PPM1E: variants seen among roughly 807,000 people sequenced by gnomAD.
PPM1E encodes the protein protein phosphatase 1E.
A neutral mutation model predicts 65.9 loss-of-function variants in PPM1E; 20 were observed. The ratio of observed to expected loss-of-function variants is 0.30; its 90% CI spans 0.21 to 0.44. The LOEUF (loss-of-function observed/expected upper bound fraction) is 0.44, where lower values mean the gene tolerates loss of function less well. Among genes scored for constraint, PPM1E ranks in the 20% least tolerant of loss-of-function variants. PPM1E has a pLI of 1.00. For missense variants in PPM1E, 713 were observed against 953.1 expected, an observed-to-expected ratio of 0.75 and a Z score of 3.32; for synonymous variants, 352 against 374.9, an observed-to-expected ratio of 0.94 and a Z score of 0.70.
intron 1 of PPM1E, among the ~76,000 whole-genome samples, chr17:58,866,188 ACTAACTTC>A (rs2051001686): frequency 1.3e-5 from 2 of 152,224 alleles, no homozygotes; most frequent in African/African-American, 2.4e-5. Flanking sequence ...TGATTAGATT[ACTAACTTC>A]AGGGTGGAGC....
At chr17:58,963,243 T>A (rs1254794015) in intron 2 of PPM1E, among the ~76,000 whole-genome samples, 27 of 151,064 alleles carry the variant, frequency 1.8e-4, no homozygotes, top group Non-Finnish European at 4.0e-4. Flanking sequence ...CAAAATTAGC[T>A]GAGTGTGGTG....
chr17:58,953,682 T>TGCCA (rs1218669650), intron 1 of PPM1E, among the ~76,000 whole-genome samples: 2 of 152,030 alleles, frequency 1.3e-5, no homozygotes, highest in East Asian at 1.9e-4. Flanking sequence ...ACATCTCAAA[T>TGCCA]GCCAGACTAG....
chr17:58,980,989 T>C lies in PPM1E; in HGVS notation c.2226T>C (p.Asp742=). 1 of 1,613,646 alleles carries C rather than the reference T, an allele frequency of 6.2e-7. No individual in the cohort carries two copies. Among genetic ancestry groups the C allele is most frequent in the Non-Finnish European group, 8.5e-7 (1 of 1,179,862 alleles). Residue 742 remains aspartate (D), a synonymous_variant, in exon 7 of 7, where the codon GAT becomes GAC. Transcript: ENST00000308249. The surrounding 1 kb of genome is among the most constrained non-coding windows in gnomAD (Gnocchi z 4.7). ...ENMRKLRKTH[D]IPCPDLPWSY... ...TGAGGAAGCTCAGAAAGACTCATGA[T>C]ATTCCATGCCCAGATCTTCCTTGGA...
intron 1 of PPM1E, among the ~76,000 whole-genome samples, chr17:58,832,968 A>G (rs143390063): frequency 0.022 from 3,368 of 151,422 alleles, 48 homozygotes; most frequent in South Asian, 0.036. Flanking sequence ...ATGCATCACT[A>G]CTCCTGGCTA....
chr17:58,834,114 C>T (rs1440993245), intron 1 of PPM1E, among the ~76,000 whole-genome samples: 1 of 152,082 alleles, frequency 6.6e-6, no homozygotes, highest in African/African-American at 2.4e-5. Context: ...TATTTCCCCT[C>T]TTTGCTTAGA....
intron 1 of PPM1E, among the ~76,000 whole-genome samples, chr17:58,938,279 A>T (rs1251496424): frequency 3.3e-5 from 5 of 152,178 alleles, no homozygotes; most frequent in Non-Finnish European, 7.4e-5. Flanking sequence ...AAATCCAGGG[A>T]CTTTAAGCAC....
intron 1 of PPM1E, among the ~76,000 whole-genome samples, chr17:58,881,995 A>G (rs12936504): frequency 1.2e-5 from 1 of 80,474 alleles, no homozygotes. Context: ...CCCTGTCTCT[A>G]CAAAAAAAAA....
At chr17:58,805,980 A>G (rs372828891) in intron 1 of PPM1E, among the ~76,000 whole-genome samples, 1 of 107,932 alleles carries the variant, frequency 9.3e-6, no homozygotes, top group Non-Finnish European at 1.8e-5. Context: ...AAAACAAAAA[A>G]AAAACAAAAC....
chr17:58,928,703 T>TC, intron 1 of PPM1E, among the ~76,000 whole-genome samples: 1 of 121,188 alleles, frequency 8.3e-6, no homozygotes, highest in African/African-American at 4.1e-5. Context: ...CACACACGAA[T>TC]TTTTTTTTTT....
intron 2 of PPM1E, among the ~76,000 whole-genome samples, chr17:58,955,978 G>A (rs2029873142): frequency 6.6e-6 from 1 of 152,114 alleles, no homozygotes; most frequent in East Asian, 1.9e-4. Context: ...TTTGAAAAAG[G>A]TAGAGTAGTA....
At chr17:58,897,202 C>T (rs189407431) in intron 1 of PPM1E, among the ~76,000 whole-genome samples, 1,709 of 152,120 alleles carry the variant, frequency 0.011, 12 homozygotes, top group Middle Eastern at 0.041. Context: ...ATCACGAGGT[C>T]AGGAGATCGA....
At chr17:58,864,068 G>A (rs2050972917) in intron 1 of PPM1E, among the ~76,000 whole-genome samples, 1 of 150,690 alleles carries the variant, frequency 6.6e-6, no homozygotes, top group South Asian at 2.1e-4. Flanking sequence ...GTATTTCCCT[G>A]CCTTCTGTCC....
At chr17:58,794,950 A>G (rs1388429552) in intron 1 of PPM1E, among the ~76,000 whole-genome samples, 1 of 145,530 alleles carries the variant, frequency 6.9e-6, no homozygotes, top group African/African-American at 2.6e-5. Flanking sequence ...GTGCAGTGGC[A>G]TGATCTTGGC....
chr17:58,771,621 C>CA (rs1230565491), intron 1 of PPM1E, among the ~76,000 whole-genome samples: 123 of 114,942 alleles, frequency 1.1e-3, no homozygotes, highest in African/African-American at 2.6e-3. Context: ...GACTCCATCT[C>CA]AAAAAAAAAA....
chr17:58,897,848 C>T (rs2051442326), intron 1 of PPM1E: 2 of 152,254 alleles, frequency 1.3e-5, no homozygotes, highest in Non-Finnish European at 2.9e-5. Context: ...AGGACAGTGG[C>T]TCATACCTGT....
At chr17:58,880,453 A>G (rs1031259883) in intron 1 of PPM1E, among the ~76,000 whole-genome samples, 11 of 152,210 alleles carry the variant, frequency 7.2e-5, no homozygotes, top group African/African-American at 2.7e-4. Flanking sequence ...TAAGAACTTT[A>G]CCAGAATAGG....
At chr17:58,756,611 G>A in intron 1 of PPM1E, 150 bp downstream of exon 1, 1 of 1,011,404 alleles carries the variant, frequency 9.9e-7, no homozygotes, top group South Asian at 5.1e-5. Context: ...CCCGCTGCTC[G>A]GACCCGGGCG....
At chr17:58,782,189 C>T in intron 1 of PPM1E, among the ~76,000 whole-genome samples, 2 of 151,962 alleles carry the variant, frequency 1.3e-5, no homozygotes, top group East Asian at 3.9e-4. Flanking sequence ...GAGCCACATA[C>T]ACATATTGTC....
At chr17:58,846,044 A>C (rs998803500) in intron 1 of PPM1E, among the ~76,000 whole-genome samples, 1 of 152,158 alleles carries the variant, frequency 6.6e-6, no homozygotes, top group African/African-American at 2.4e-5. Context: ...CATTTTGCTT[A>C]TCCATTCATC....
Sources: gnomAD v4.1 joint callset for allele counts (sites outside exome capture counted in the v4.1 genomes callset) on GRCh38, gnomAD v4.1.1 for gene constraint, Gnocchi (gnomAD v3.1) non-coding constraint, MANE v1.5 for transcripts, NCBI Gene and HGNC (gene_info 2026-07-23, HGNC 2026-07-21) for gene names.